The following VIRMA variants were observed in gnomAD, a reference collection of about 807,000 sequenced individuals.
The protein encoded by VIRMA is protein virilizer homolog.
Under a neutral mutation model 182.4 loss-of-function variants are expected in VIRMA, and 65 were observed. The observed-to-expected ratio is 0.36, with a 90% CI of 0.29 to 0.44. The LOEUF is 0.44. Among genes scored for constraint, VIRMA ranks in the 20% least tolerant of loss-of-function variants. The pLI, the probability that VIRMA is intolerant of heterozygous loss-of-function variation, is 1.00. For missense variants in VIRMA, 1,752 were observed against 2,158.1 expected, an observed-to-expected ratio of 0.81 and a Z score of 3.73; for synonymous variants, 709 against 743.1, an observed-to-expected ratio of 0.95 and a Z score of 0.75.
intron 17 of VIRMA, 50 bp from the exon 18 acceptor site, chr8:94,496,530 G>T (rs2130266422): frequency 2.7e-6 from 4 of 1,475,296 alleles, no homozygotes; most frequent in Non-Finnish European, 3.8e-6. Context: ...AATTTACAAA[G>T]ATGCATCCAC....
At chr8:94,524,531 C>A (rs1028112337) in intron 8 of VIRMA, among the ~76,000 whole-genome samples, 1 of 151,134 alleles carries the variant, frequency 6.6e-6, no homozygotes, top group Non-Finnish European at 1.5e-5. Context: ...TCTCGAACTC[C>A]TGAACTCAGA....
intron 1 of VIRMA, among the ~76,000 whole-genome samples, chr8:94,550,417 T>C (rs1815939922): frequency 6.6e-6 from 1 of 151,668 alleles, no homozygotes; most frequent in Admixed American, 6.6e-5. Flanking sequence ...CTCAGCCTCC[T>C]GAGTAGCTGG....
chr8:94,504,345 G>A (rs1238135765), intron 16 of VIRMA, among the ~76,000 whole-genome samples: 3 of 151,816 alleles, frequency 2.0e-5, no homozygotes, highest in Non-Finnish European at 4.4e-5. Flanking sequence ...TGCTCACTCT[G>A]AGGGCTCTCA....
chr8:94,510,132 T>C (rs1008509421), intron 14 of VIRMA, among the ~76,000 whole-genome samples, 192 bp from the exon 15 acceptor site: 2 of 152,202 alleles, frequency 1.3e-5, no homozygotes, highest in Non-Finnish European at 2.9e-5. Flanking sequence ...TTTCTAATAA[T>C]ATATTTTCTT....
At chr8:94,524,452 C>A (rs1292504604) in intron 8 of VIRMA, among the ~76,000 whole-genome samples, 1 of 151,832 alleles carries the variant, frequency 6.6e-6, no homozygotes, top group Non-Finnish European at 1.5e-5. Flanking sequence ...TTACAGGCGC[C>A]CACCACCACA....
intron 16 of VIRMA, among the ~76,000 whole-genome samples, chr8:94,501,223 T>C (rs1813972889): frequency 8.0e-6 from 1 of 124,370 alleles, no homozygotes; most frequent in African/African-American, 3.2e-5. Context: ...ACCATTGCAC[T>C]CCAGCCCAGG....
chr8:94,501,837 G>C (rs764251678), intron 16 of VIRMA, among the ~76,000 whole-genome samples: 1 of 152,182 alleles, frequency 6.6e-6, no homozygotes, highest in Non-Finnish European at 1.5e-5. Context: ...TGTGCCTGTA[G>C]TAGTACTTGG....
At chr8:94,516,481 C>T (rs1814565197) in intron 10 of VIRMA, among the ~76,000 whole-genome samples, 1 of 152,150 alleles carries the variant, frequency 6.6e-6, no homozygotes, top group Non-Finnish European at 1.5e-5. Context: ...TAGAAAAGCA[C>T]TCCAATGTAA....
rs1368179438 is a variant in VIRMA, at chr8:94,495,875, T to A, written c.4400A>T (p.Asp1467Val). The A allele has an allele frequency of 9.3e-6, 15 of 1,613,042 alleles. No homozygotes were observed. Among genetic ancestry groups the A allele is most frequent in the African/African-American group, 1.3e-5 (1 of 74,994 alleles). The change falls in exon 19 of 24, where the codon GAT becomes GTT. Residue 1467 changes from aspartate to valine, a missense_variant. Asp to Val is a radical substitution (Grantham distance 152). Transcript: ENST00000297591. The stretch of plus-strand genomic sequence containing the variant: ...GTCCAACAAAGAATCCAGATTGTCA[T>A]CATCTTTTGAATGTTCCTAGATACA... ...EKLVLEHSKD[D>V]DNLDSLLDSV...
At chr8:94,504,241 G>T (rs959700278) in intron 16 of VIRMA, among the ~76,000 whole-genome samples, 1 of 150,612 alleles carries the variant, frequency 6.6e-6, no homozygotes, top group Non-Finnish European at 1.5e-5. Context: ...ACCTGACAAT[G>T]GCCCGTATCA....
intron 16 of VIRMA, among the ~76,000 whole-genome samples, chr8:94,499,996 C>T (rs779572375): frequency 6.3e-5 from 9 of 142,516 alleles, no homozygotes; most frequent in South Asian, 2.2e-4. Flanking sequence ...GAGGTTGCAG[C>T]GAGCCGAAAT....
At chr8:94,536,570 G>C (rs1014178642) in intron 4 of VIRMA, among the ~76,000 whole-genome samples, 1 of 152,222 alleles carries the variant, frequency 6.6e-6, no homozygotes, top group South Asian at 2.1e-4. Flanking sequence ...AAGCACAAAT[G>C]CTGGCCTCTT....
At chr8:94,506,235 G>C (rs1814149047) in intron 16 of VIRMA, among the ~76,000 whole-genome samples, 1 of 152,108 alleles carries the variant, frequency 6.6e-6, no homozygotes, top group Non-Finnish European at 1.5e-5. Context: ...ACCATCCCTG[G>C]AACAGTGAGA....
intron 20 of VIRMA, among the ~76,000 whole-genome samples, 175 bp downstream of exon 20, chr8:94,494,685 G>A (rs1586062281): frequency 6.6e-6 from 1 of 150,418 alleles, no homozygotes; most frequent in East Asian, 1.9e-4. Flanking sequence ...AAAAAAGCAG[G>A]AGAAAAAACT....
chr8:94,536,010 A>G (rs1454342868), intron 4 of VIRMA, among the ~76,000 whole-genome samples: 1 of 152,202 alleles, frequency 6.6e-6, no homozygotes, highest in Non-Finnish European at 1.5e-5. Flanking sequence ...AGAAAACCAG[A>G]GCATGTGAAG....
intron 22 of VIRMA, among the ~76,000 whole-genome samples, chr8:94,490,818 G>A (rs1441677733): frequency 2.0e-5 from 3 of 151,920 alleles, no homozygotes; most frequent in East Asian, 3.9e-4. Flanking sequence ...TTGCACTCCA[G>A]CCTGGGCAAG....
At chr8:94,531,361 G>C (rs1815166401) in intron 5 of VIRMA, among the ~76,000 whole-genome samples, 1 of 152,108 alleles carries the variant, frequency 6.6e-6, no homozygotes, top group East Asian at 1.9e-4. Context: ...GTAGAACAAA[G>C]ATAATCATGT....
intron 8 of VIRMA, among the ~76,000 whole-genome samples, chr8:94,524,698 A>C (rs550386462): frequency 2.0e-4 from 30 of 152,268 alleles, no homozygotes; most frequent in African/African-American, 7.0e-4. Flanking sequence ...ACATTTCTTA[A>C]AACAGTGGCC....
In VIRMA at chr8:94,510,575, C is replaced by CT; in HGVS notation, c.3467dup (p.Leu1157ValfsTer30). 6.2e-7 allele frequency: 1 copy of CT among 1,614,128 alleles called. No individual in the cohort carries two copies. Among genetic ancestry groups the CT allele is most frequent in the East Asian group, 2.2e-5 (1 of 44,872 alleles). On this transcript the variant is annotated frameshift_variant, in exon 14 of 24. Coordinates refer to ENST00000297591, the MANE Select transcript of VIRMA (RefSeq NM_015496.5). LOFTEE classifies it high-confidence loss of function. The stretch of plus-strand genomic sequence containing the variant: ...AAGAGCGAACTATTTCTTGGAGCAA[C>CT]TTTGCTTGAACATGAAGGTGCATGC...
Sources: allele counts gnomAD v4.1 joint callset (sites outside exome capture counted in the v4.1 genomes callset), GRCh38; gene constraint gnomAD v4.1.1; transcripts MANE v1.5; gene names NCBI Gene and HGNC (gene_info 2026-07-23, HGNC 2026-07-21).